Variants in WFDC1 observed in about 807,000 individuals in gnomAD.
The protein encoded by WFDC1 is WAP four-disulfide core domain 1, also known as WAP four-disulfide core domain protein 1.
WFDC1 carries 39 observed loss-of-function variants against 32.9 expected under a neutral mutation model. The observed-to-expected ratio is 1.19, with a 90% CI of 0.92 to 1.55. The LOEUF (loss-of-function observed/expected upper bound fraction) is 1.55, where lower values mean the gene tolerates loss of function less well. WFDC1 is among the 40% of genes most tolerant of loss of function. The probability of loss-of-function intolerance (pLI) is 0.00; values close to 1 mark genes in which losing one functional copy is unlikely to be tolerated. For missense variants in WFDC1, 386 were observed against 309.5 expected, an observed-to-expected ratio of 1.25 and a Z score of -1.85; for synonymous variants, 184 against 137.4, an observed-to-expected ratio of 1.34 and a Z score of -2.37.
At chr16:84,320,015 C>T (rs76741710) in intron 4 of WFDC1, among the ~76,000 whole-genome samples, 4,340 of 151,710 alleles carry the variant, frequency 0.029, 96 homozygotes, top group South Asian at 0.073. Flanking sequence ...AGATGGACCC[C>T]GACTTACGAT....
intron 1 of WFDC1, chr16:84,295,346 C>T: frequency 1.9e-6 from 1 of 526,206 alleles, no homozygotes. Context: ...CACAAATGTG[C>T]CAAAGAATCG....
chr16:84,314,871 G>T (rs1907858023), intron 2 of WFDC1, among the ~76,000 whole-genome samples: 1 of 152,238 alleles, frequency 6.6e-6, no homozygotes, highest in African/African-American at 2.4e-5. Flanking sequence ...GCCTATAGCA[G>T]GTGCTTTTGA....
Position 84,313,039 on chromosome 16 carries a change from C to G in WFDC1, c.223C>G (p.Pro75Ala). The G allele has an allele frequency of 7.3e-7, 1 of 1,366,576 alleles. No individual in the cohort carries two copies. Among genetic ancestry groups the G allele is most frequent in the Non-Finnish European group, 9.4e-7 (1 of 1,061,238 alleles). 84.7% of individuals were successfully genotyped at this position (1,366,576 alleles called of 1,614,324 possible). A position where few individuals can be genotyped will look rare whatever the true frequency, so the allele number is the denominator to read the frequency against. The change falls in exon 2 of 7, where the codon CCC becomes GCC. Residue 75 changes from proline to alanine, a missense_variant. Pro to Ala is a conservative substitution (Grantham distance 27). Coordinates refer to ENST00000219454, the MANE Select transcript of WFDC1 (RefSeq NM_021197.4). The stretch of plus-strand genomic sequence containing the variant: ...CCCGCCGCCTCCGCGGACGCTGCCC[C>G]CCGGCGCCTGCCAGGCCGCGCGCTG... Reference protein sequence around the residue: ...RCPPPPRTLPPGACQAARCQA... With the variant: ...RCPPPPRTLPAGACQAARCQA...
At chr16:84,312,897 C>T (rs1473748213) in intron 1 of WFDC1, 64 bp from the exon 2 acceptor site, 4 of 1,056,174 alleles carry the variant, frequency 3.8e-6, no homozygotes, top group East Asian at 9.7e-5. Flanking sequence ...CCCTTGCAAG[C>T]TCCGGGTGGC....
At position 84,329,770 on chromosome 16, in the gene WFDC1, G is replaced by C. The variant is rs919658497; in HGVS notation, c.*464G>C. 6.6e-6 allele frequency: 1 copy of C among 152,204 alleles called. No individual in the cohort carries two copies. The highest frequency in any genetic ancestry group is 2.4e-5 in the African/African-American group (1 of 41,434). The allele number at this position is 152,204 out of a possible 1,614,324, so 9.4% of individuals were successfully genotyped here. A position where few individuals can be genotyped will look rare whatever the true frequency, so the allele number is the denominator to read the frequency against. On this transcript the variant is annotated 3_prime_UTR_variant, in exon 7 of 7. Transcript: ENST00000219454. ...TACTAATGTGTGATTCCTAGTTGTA[G>C]CCACCGGATGTGCTGAGGCCTAAAT...
At chr16:84,322,213 G>A (rs1908352273) in intron 4 of WFDC1, among the ~76,000 whole-genome samples, 1 of 141,628 alleles carries the variant, frequency 7.1e-6, no homozygotes, top group South Asian at 2.3e-4. Context: ...CCAAATGAAC[G>A]ATTTGAGGCT....
At chr16:84,320,918 CAT>C (rs1477294040) in intron 4 of WFDC1, among the ~76,000 whole-genome samples, 3 of 152,096 alleles carry the variant, frequency 2.0e-5, no homozygotes, top group Non-Finnish European at 4.4e-5. Context: ...TCAAGAAAGG[CAT>C]AGACGTAAAA....
At chr16:84,319,114 T>A in intron 3 of WFDC1, 1 of 403,742 alleles carries the variant, frequency 2.5e-6, no homozygotes, top group Non-Finnish European at 4.5e-6. Flanking sequence ...CATGCGACTG[T>A]AGGGCTGAGT....
At position 84,325,683 on chromosome 16, in the gene WFDC1, C is replaced by T. The variant is rs1171805016; in HGVS notation, c.605-1199C>T. On this transcript the variant is annotated intron_variant, in intron 5 of 6. Coordinates refer to ENST00000219454, the MANE Select transcript of WFDC1 (RefSeq NM_021197.4). ...TTTTTCAAGCATGCATCCATCCATC[C>T]ATTCCTCCATCGATCTATTCATCCA... 5 of 152,052 alleles carry T rather than the reference C, an allele frequency of 3.3e-5. No individual in the cohort carries two copies. In the East Asian group the frequency reaches 9.7e-4, roughly 29 times the overall value. 9.4% of individuals were successfully genotyped at this position (152,052 alleles called of 1,614,324 possible).
At chr16:84,326,821 C>G (rs951599193) in intron 5 of WFDC1, 61 bp from the exon 6 acceptor site, 1 of 1,602,902 alleles carries the variant, frequency 6.2e-7, no homozygotes, top group Non-Finnish European at 8.5e-7. Context: ...TGGTGAGCCA[C>G]GGGGGGCATT....
At chr16:84,314,792 G>A (rs1439481505) in intron 2 of WFDC1, among the ~76,000 whole-genome samples, 1 of 152,194 alleles carries the variant, frequency 6.6e-6, no homozygotes, top group Non-Finnish European at 1.5e-5. Context: ...CCCTCTGGGT[G>A]GACTTATCAA....
At chr16:84,296,938 C>G (rs1906632667) in intron 1 of WFDC1, 1 of 152,198 alleles carries the variant, frequency 6.6e-6, no homozygotes, top group Non-Finnish European at 1.5e-5. Context: ...AGAGACTCTT[C>G]TCAGATTTTA....
At chr16:84,317,428 C>G (rs965398090) in intron 2 of WFDC1, 10 of 152,150 alleles carry the variant, frequency 6.6e-5, no homozygotes, top group African/African-American at 2.2e-4. Flanking sequence ...TCAGGGCTAA[C>G]CAGCAGCTGA....
chr16:84,303,529 G>T lies in WFDC1; in HGVS notation c.144+8414G>T, dbSNP rs1214489596. Among the ~76,000 whole-genome samples the T allele has an allele frequency of 2.0e-5, 3 of 151,722 alleles. No homozygotes were observed. In the East Asian group the frequency reaches 5.8e-4, roughly 29 times the overall value. On this transcript the variant is annotated intron_variant, in intron 1 of 6. Coordinates refer to ENST00000219454, the MANE Select transcript of WFDC1 (RefSeq NM_021197.4). ...CAGAAAGTTATAAATTAGTAGAAAT[G>T]ATCTGAATTCTTCCTCCAAGATGTA...
chr16:84,295,420 AC>A, intron 1 of WFDC1: 1 of 486,834 alleles, frequency 2.1e-6, no homozygotes, highest in Non-Finnish European at 3.6e-6. Flanking sequence ...TCATTTCGGA[AC>A]CCCAGGATTT....
At chr16:84,302,047 G>A (rs1231715813) in intron 1 of WFDC1, among the ~76,000 whole-genome samples, 1 of 152,188 alleles carries the variant, frequency 6.6e-6, no homozygotes, top group East Asian at 1.9e-4. Flanking sequence ...GCCATAGAAA[G>A]GTACGGAGCC....
intron 3 of WFDC1, 25 bp from the exon 4 acceptor site, chr16:84,319,406 A>G: frequency 6.2e-7 from 1 of 1,604,972 alleles, no homozygotes; most frequent in Non-Finnish European, 8.5e-7. Context: ...GGCCTTCTAG[A>G]CCCCAGCGTG....
intron 3 of WFDC1, chr16:84,319,174 C>G (rs746611765): frequency 3.7e-6 from 2 of 536,400 alleles, no homozygotes; most frequent in Non-Finnish European, 6.6e-6. Flanking sequence ...TGTTGCTGAG[C>G]CTGTGAGAGT....
At chr16:84,318,001 A>G in intron 2 of WFDC1, 1 of 372,496 alleles carries the variant, frequency 2.7e-6, no homozygotes, top group Non-Finnish European at 5.1e-6. Flanking sequence ...TTGGAGGGTG[A>G]GACAGGAAGT....
Sources: gnomAD v4.1 joint callset for allele counts (sites outside exome capture counted in the v4.1 genomes callset) on GRCh38, gnomAD v4.1.1 for gene constraint, MANE v1.5 for transcripts, NCBI Gene and HGNC (gene_info 2026-07-23, HGNC 2026-07-21) for gene names.